CCSER1: variants seen among roughly 807,000 people sequenced by gnomAD.
CCSER1 encodes the protein serine-rich coiled-coil domain-containing protein 1.
CCSER1 carries 41 observed loss-of-function variants against 82.0 expected under a neutral mutation model. That is an observed-to-expected ratio of 0.50 (90% CI 0.39 to 0.65). The LOEUF is 0.65. Among genes scored for constraint, CCSER1 ranks in the 30% least tolerant of loss-of-function variants. The pLI, the probability that CCSER1 is intolerant of heterozygous loss-of-function variation, is 0.00. For synonymous variants in CCSER1, 414 were observed against 383.9 expected, an observed-to-expected ratio of 1.08 and a Z score of -0.92; for missense variants, 1,119 against 1,064.2, an observed-to-expected ratio of 1.05 and a Z score of -0.72.
intron 4 of CCSER1, among the ~76,000 whole-genome samples, chr4:90,408,696 A>G (rs1393921820): frequency 6.6e-6 from 1 of 152,224 alleles, no homozygotes; most frequent in East Asian, 1.9e-4. Context: ...AATAGAACAG[A>G]AAAACCAGAA....
intron 1 of CCSER1, among the ~76,000 whole-genome samples, chr4:90,168,428 C>T (rs894737452): frequency 6.6e-5 from 10 of 152,054 alleles, no homozygotes; most frequent in Non-Finnish European, 1.0e-4. Context: ...TGTAGGTTGC[C>T]TGTTCACTCT....
intron 6 of CCSER1, among the ~76,000 whole-genome samples, chr4:90,664,428 G>GT (rs965085135): frequency 6.6e-4 from 101 of 151,924 alleles, no homozygotes; most frequent in African/African-American, 2.0e-3. Flanking sequence ...GGAAAAGGGA[G>GT]TTTTTTTTGT....
At chr4:90,874,460 G>T (rs1766950211) in intron 8 of CCSER1, among the ~76,000 whole-genome samples, 1 of 151,778 alleles carries the variant, frequency 6.6e-6, no homozygotes, top group Admixed American at 6.6e-5. Context: ...TCACCATGGG[G>T]TTTCTATTTT....
At chr4:90,932,886 GAAA>G (rs1730036535) in intron 9 of CCSER1, among the ~76,000 whole-genome samples, 1 of 84,570 alleles carries the variant, frequency 1.2e-5, no homozygotes. Context: ...AGGAAGGAAA[GAAA>G]GAAGGAAGGA....
chr4:91,105,400 A>T (rs1272892170), intron 10 of CCSER1, among the ~76,000 whole-genome samples: 1 of 85,416 alleles, frequency 1.2e-5, no homozygotes, highest in Non-Finnish European at 2.4e-5. Context: ...AACCACTAAC[A>T]GTAAACAAAA....
At chr4:91,536,871 C>G (rs1761325098) in intron 10 of CCSER1, among the ~76,000 whole-genome samples, 1 of 151,964 alleles carries the variant, frequency 6.6e-6, no homozygotes, top group Non-Finnish European at 1.5e-5. Flanking sequence ...ATATCTTGCT[C>G]TGAGCCCTAG....
At chr4:91,024,882 GCTT>G (rs1341767829) in intron 9 of CCSER1, among the ~76,000 whole-genome samples, 6 of 151,968 alleles carry the variant, frequency 3.9e-5, no homozygotes, top group Non-Finnish European at 7.4e-5. Context: ...GAAGAATATA[GCTT>G]CTTCAACTAT....
chr4:90,363,949 G>C (rs987714128), intron 3 of CCSER1, among the ~76,000 whole-genome samples: 2 of 151,874 alleles, frequency 1.3e-5, no homozygotes, highest in African/African-American at 4.8e-5. Context: ...AAAATGTTTG[G>C]GAACAACTTT....
intron 2 of CCSER1, among the ~76,000 whole-genome samples, chr4:90,311,846 A>G (rs1448731480): frequency 6.6e-6 from 1 of 152,198 alleles, no homozygotes; most frequent in East Asian, 1.9e-4. Flanking sequence ...TTACTCATTC[A>G]TTCATTCAGC....
At chr4:91,331,156 A>G (rs564532324) in intron 10 of CCSER1, among the ~76,000 whole-genome samples, 1 of 152,110 alleles carries the variant, frequency 6.6e-6, no homozygotes. Context: ...AGTATCTTAG[A>G]AGGTATCCAG....
At chr4:91,213,886 C>T (rs1436246764) in intron 10 of CCSER1, among the ~76,000 whole-genome samples, 3 of 152,062 alleles carry the variant, frequency 2.0e-5, no homozygotes, top group Non-Finnish European at 4.4e-5. Flanking sequence ...CATGGAAAAG[C>T]CCTAACTGTT....
chr4:90,133,998 CAT>C (rs2153319774), intron 1 of CCSER1, among the ~76,000 whole-genome samples: 1 of 152,126 alleles, frequency 6.6e-6, no homozygotes, highest in South Asian at 2.1e-4. Flanking sequence ...TTTTTGCAAA[CAT>C]AGGTATTTCC....
intron 1 of CCSER1, among the ~76,000 whole-genome samples, chr4:90,160,837 G>C (rs999751798): frequency 4.6e-5 from 7 of 152,052 alleles, no homozygotes; most frequent in Admixed American, 1.3e-4. Context: ...AAAAAAACAG[G>C]AATAAAGTGA....
At chr4:91,229,669 G>T (rs1738470502) in intron 10 of CCSER1, among the ~76,000 whole-genome samples, 1 of 152,122 alleles carries the variant, frequency 6.6e-6, no homozygotes, top group Non-Finnish European at 1.5e-5. Context: ...AAAAGAATGA[G>T]TTCATTTCCT....
intron 1 of CCSER1, among the ~76,000 whole-genome samples, chr4:90,280,788 T>A (rs1418449740): frequency 1.5e-5 from 1 of 65,660 alleles, no homozygotes; most frequent in Non-Finnish European, 2.5e-5. Context: ...GAGGAGAAGG[T>A]CTTTAATCTA....
At chr4:90,529,240 A>T (rs959747958) in intron 5 of CCSER1, among the ~76,000 whole-genome samples, 7 of 151,908 alleles carry the variant, frequency 4.6e-5, no homozygotes, top group Non-Finnish European at 2.9e-5. Context: ...TTTGCGAGTG[A>T]GTCTCACTCT....
chr4:91,441,169 AAAG>A (rs1403835156), intron 10 of CCSER1, among the ~76,000 whole-genome samples: 2 of 152,106 alleles, frequency 1.3e-5, no homozygotes, highest in African/African-American at 4.8e-5. Flanking sequence ...CACAACCAAA[AAAG>A]AGAGTTTTAG....
intron 1 of CCSER1, among the ~76,000 whole-genome samples, chr4:90,132,300 C>A (rs982664892): frequency 6.6e-6 from 1 of 152,182 alleles, no homozygotes. Context: ...TGACTGACAG[C>A]TTCTGCATGA....
At chr4:90,410,482 C>G (rs899087839) in intron 4 of CCSER1, among the ~76,000 whole-genome samples, 6 of 152,164 alleles carry the variant, frequency 3.9e-5, no homozygotes, top group Non-Finnish European at 8.8e-5. Context: ...GAAACTCACT[C>G]AAAACCGCTC....
Sources: allele counts gnomAD v4.1 joint callset (sites outside exome capture counted in the v4.1 genomes callset), GRCh38; gene constraint gnomAD v4.1.1; transcripts MANE v1.5; gene names NCBI Gene and HGNC (gene_info 2026-07-23, HGNC 2026-07-21).